CAST: variants seen among roughly 807,000 people sequenced by gnomAD.
CAST encodes MIR583 host.
CAST carries 76 observed loss-of-function variants against 119.6 expected under a neutral mutation model. That is an observed-to-expected ratio of 0.64 (90% confidence interval 0.53 to 0.77). The LOEUF (loss-of-function observed/expected upper bound fraction) is 0.77. Among genes scored for constraint, CAST ranks in the 30% least tolerant of loss-of-function variants. The pLI is 0.00. For synonymous variants in CAST, 319 were observed against 331.6 expected (o/e 0.96, Z 0.41); for missense variants, 953 against 946.5 (o/e 1.01, Z -0.09).
At chr5:96,695,938 C>G (rs1457740769) in intron 3 of CAST, 31 bp downstream of exon 3, 1 of 1,473,314 alleles carries the variant, frequency 6.8e-7, no homozygotes, top group Non-Finnish European at 9.5e-7. Flanking sequence ...GAAAAGACCC[C>G]TACTGTATTC....
chr5:96,516,916 C>A, the CAST span, among the ~76,000 whole-genome samples: 2 of 152,176 alleles, frequency 1.3e-5, no homozygotes, highest in Non-Finnish European at 2.9e-5. Context: ...TTTTCTTTAA[C>A]CCCTCAATGA....
intron 24 of CAST, among the ~76,000 whole-genome samples, chr5:96,760,493 T>G (rs747933573): frequency 6.6e-6 from 1 of 151,884 alleles, no homozygotes; most frequent in Non-Finnish European, 1.5e-5. Context: ...AAGCAGAAAC[T>G]ATGAAAAGTT....
chr5:96,064,127 TA>T, the CAST span, among the ~76,000 whole-genome samples: 1 of 152,154 alleles, frequency 6.6e-6, no homozygotes, highest in Non-Finnish European at 1.5e-5. Flanking sequence ...TTAAGTGACC[TA>T]GATTTGTGTG....
intron 1 of CAST, among the ~76,000 whole-genome samples, chr5:96,632,025 A>AATTATTATT (rs3064173): frequency 0.018 from 2,650 of 149,722 alleles, 86 homozygotes; most frequent in African/African-American, 0.06. Context: ...TCCTTTTAAA[A>AATTATTATT]ATTATTATTA....
At chr5:96,182,301 A>C in the CAST span, among the ~76,000 whole-genome samples, 1 of 152,172 alleles carries the variant, frequency 6.6e-6, no homozygotes, top group African/African-American at 2.4e-5. Flanking sequence ...TGAACTTGAG[A>C]TCCTTGGCTG....
At position 96,729,602 on chromosome 5, in the gene CAST, G is replaced by C; in HGVS notation, c.436-10G>C. ...TATATGTGTGTGGGCACCTGTGTGTGTACTTTCAGCCAAAAAGCCTACCCA... is the reference window on the plus strand; with the variant it reads ...TATATGTGTGTGGGCACCTGTGTGTCTACTTTCAGCCAAAAAGCCTACCCA... On this transcript the variant is annotated splice_polypyrimidine_tract_variant and intron_variant, in intron 7 of 31. Transcript: ENST00000675179. 8.4e-7 allele frequency: 1 copy of C among 1,197,352 alleles called. No homozygotes were observed. The highest frequency in any genetic ancestry group is 1.2e-6 in the Non-Finnish European group (1 of 800,320). 74.2% of individuals were successfully genotyped at this position (1,197,352 alleles called of 1,614,324 possible).
At chr5:96,146,682 AGCCTT>A in the CAST span, among the ~76,000 whole-genome samples, 1 of 152,214 alleles carries the variant, frequency 6.6e-6, no homozygotes, top group Admixed American at 6.5e-5. Context: ...ATTAACATAC[AGCCTT>A]TTTTTTTGTC....
the CAST span, among the ~76,000 whole-genome samples, chr5:96,427,897 A>G: frequency 6.6e-6 from 1 of 152,150 alleles, no homozygotes; most frequent in Admixed American, 6.5e-5. Context: ...TCTCCCTTGA[A>G]GTGAGTAAGG....
chr5:96,136,386 T>C, the CAST span, among the ~76,000 whole-genome samples: 2 of 152,200 alleles, frequency 1.3e-5, no homozygotes, highest in Non-Finnish European at 2.9e-5. Flanking sequence ...GAGCACTTCC[T>C]TAGCTTTCTG....
At chr5:96,554,627 A>C (rs1177381365) in intron 1 of CAST, among the ~76,000 whole-genome samples, 4 of 152,196 alleles carry the variant, frequency 2.6e-5, no homozygotes, top group Non-Finnish European at 5.9e-5. Context: ...CAACCTACAG[A>C]ATGGGAGAAA....
chr5:96,193,099 G>A, the CAST span, among the ~76,000 whole-genome samples: 2 of 152,036 alleles, frequency 1.3e-5, no homozygotes. Flanking sequence ...AAGAGCTTAT[G>A]GAAAAATTTT....
intron 1 of CAST, among the ~76,000 whole-genome samples, chr5:96,591,079 G>A (rs543462472): frequency 1.9e-4 from 29 of 152,258 alleles, no homozygotes; most frequent in Admixed American, 1.7e-3. Context: ...AGCATAAAGT[G>A]CTCCTCTCTT....
chr5:95,963,249 T>G, the CAST span, among the ~76,000 whole-genome samples: 1 of 152,242 alleles, frequency 6.6e-6, no homozygotes, highest in Non-Finnish European at 1.5e-5. Flanking sequence ...TTTTCATTAT[T>G]TTAAATGGAT....
upstream of CAST, among the ~76,000 whole-genome samples, chr5:96,528,865 C>A (rs928433029): frequency 6.6e-6 from 1 of 152,182 alleles, no homozygotes; most frequent in Non-Finnish European, 1.5e-5. Context: ...TTCTGCCTGT[C>A]ATTTCTCAAG....
the CAST span, among the ~76,000 whole-genome samples, chr5:96,060,420 A>G: frequency 6.6e-6 from 1 of 152,182 alleles, no homozygotes; most frequent in Non-Finnish European, 1.5e-5. Context: ...GCTTGTCACA[A>G]TAGTAGAGTT....
intron 1 of CAST, among the ~76,000 whole-genome samples, chr5:96,556,437 A>G (rs1293464146): frequency 6.6e-6 from 1 of 152,224 alleles, no homozygotes; most frequent in East Asian, 1.9e-4. Context: ...GTGCGAACCC[A>G]TGGCAAAGAA....
chr5:96,425,243 G>C, the CAST span, among the ~76,000 whole-genome samples: 1 of 152,148 alleles, frequency 6.6e-6, no homozygotes, highest in Non-Finnish European at 1.5e-5. Flanking sequence ...AAACAGAAGA[G>C]AGGACACCCT....
the CAST span, among the ~76,000 whole-genome samples, chr5:96,412,752 G>GTTTTTTTTTTTCTTTT: frequency 1.4e-5 from 1 of 71,832 alleles, no homozygotes; most frequent in African/African-American, 9.0e-5. Context: ...CAGCTGTGAT[G>GTTTTTTTTTTTCTTTT]TTTTTTTTTT....
intron 1 of CAST, among the ~76,000 whole-genome samples, chr5:96,548,751 T>C (rs1746065159): frequency 6.6e-6 from 1 of 152,220 alleles, no homozygotes; most frequent in African/African-American, 2.4e-5. Context: ...ATCTTCTGGG[T>C]AGAGCTGCCA....
Sources: allele counts gnomAD v4.1 joint callset (sites outside exome capture counted in the v4.1 genomes callset), GRCh38; gene constraint gnomAD v4.1.1; transcripts MANE v1.5; gene names NCBI Gene and HGNC (gene_info 2026-07-23, HGNC 2026-07-21).